RP1: variants seen among roughly 807,000 people sequenced by gnomAD.
RP1 encodes oxygen-regulated protein 1.
In RP1, 16 loss-of-function variants were observed where a neutral mutation model predicts 14.8. The ratio of observed to expected loss-of-function variants is 1.08; its 90% CI spans 0.73 to 1.65. The LOEUF is 1.65. RP1 is among the 40% of genes most tolerant of loss of function. RP1 has a pLI of 0.00. For missense variants in RP1, 2,631 were observed against 2,535.0 expected, an observed-to-expected ratio of 1.04 and a Z score of -0.81; for synonymous variants, 876 against 883.6, an observed-to-expected ratio of 0.99 and a Z score of 0.15.
At chr8:54,826,876 A>G (rs6994470) in intron 24 of RP1, among the ~76,000 whole-genome samples, 47,936 of 152,098 alleles carry the variant, frequency 0.32, 7,729 homozygotes, top group South Asian at 0.37. Context: ...ACTTGCACAA[A>G]CCTAGATGGT....
intron 20 of RP1, chr8:54,754,958 C>A (rs1809464248): frequency 6.8e-7 from 1 of 1,479,492 alleles, no homozygotes; most frequent in Non-Finnish European, 8.9e-7. Flanking sequence ...TCTTCAGTAG[C>A]ATCTATTCCA....
At chr8:54,676,314 T>A (rs1807293896) in intron 8 of RP1, among the ~76,000 whole-genome samples, 1 of 152,206 alleles carries the variant, frequency 6.6e-6, no homozygotes, top group Non-Finnish European at 1.5e-5. Context: ...ATTTGATACC[T>A]ATTCACCAAC....
chr8:54,857,159 G>T (rs997769705), intron 27 of RP1: 1 of 715,574 alleles, frequency 1.4e-6, no homozygotes, highest in South Asian at 7.1e-5. Context: ...ATGAAAAATC[G>T]TATAAGAAGC....
chr8:54,681,689 CT>C (rs1478609774), intron 12 of RP1, among the ~76,000 whole-genome samples: 1 of 152,016 alleles, frequency 6.6e-6, no homozygotes, highest in Non-Finnish European at 1.5e-5. Context: ...TCTCCCTCCC[CT>C]GGACCCCCAA....
downstream of RP1, among the ~76,000 whole-genome samples, chr8:54,635,366 C>T (rs756436319): frequency 2.6e-4 from 39 of 152,126 alleles, no homozygotes; most frequent in African/African-American, 4.8e-4. Context: ...CTACTACTTA[C>T]GTAAGACTGC....
At chr8:54,844,480 G>A (rs1225981614) in intron 25 of RP1, among the ~76,000 whole-genome samples, 1 of 152,000 alleles carries the variant, frequency 6.6e-6, no homozygotes, top group Admixed American at 6.5e-5. Context: ...AGTCCTCTGT[G>A]TGTGCGTGTG....
rs1220271278 is a variant in RP1, at chr8:54,749,195, G to A, written c.2809-5608G>A. On this transcript the variant is annotated intron_variant, in intron 19 of 22. Transcript: ENST00000636932. ...AAATACAAAAAATTAGCCAGGCGTG[G>A]TGATGGGCACCTGTAGTCCCAGCTA... 2.0e-5 allele frequency among the ~76,000 whole-genome samples: 3 copies of A among 152,174 alleles called. No homozygotes were observed. The East Asian group carries it at 5.8e-4, about 29-fold the overall frequency.
chr8:54,593,761 C>A (rs899588681), intron 1 of RP1, among the ~76,000 whole-genome samples: 1 of 152,220 alleles, frequency 6.6e-6, no homozygotes, highest in Non-Finnish European at 1.5e-5. Flanking sequence ...TGCAGCCTCA[C>A]CAGTGGAACT....
chr8:54,675,144 AC>A (rs1278568102), intron 8 of RP1, among the ~76,000 whole-genome samples: 1 of 152,190 alleles, frequency 6.6e-6, no homozygotes, highest in African/African-American at 2.4e-5. Context: ...GAAATAAATG[AC>A]CCAGTAATAT....
chr8:54,656,798 G>A (rs1363194385), intron 6 of RP1, among the ~76,000 whole-genome samples: 1 of 134,610 alleles, frequency 7.4e-6, no homozygotes, highest in Non-Finnish European at 1.6e-5. Flanking sequence ...CTGCCTTGGG[G>A]GAGAACGGGA....
At chr8:54,825,171 G>T (rs897642592) in intron 24 of RP1, among the ~76,000 whole-genome samples, 2 of 152,072 alleles carry the variant, frequency 1.3e-5, no homozygotes, top group African/African-American at 2.4e-5. Flanking sequence ...GTGTTAGCCA[G>T]GGTGGTCTTG....
intron 24 of RP1, among the ~76,000 whole-genome samples, chr8:54,804,928 C>G (rs1178907116): frequency 1.3e-5 from 2 of 152,140 alleles, no homozygotes; most frequent in Non-Finnish European, 2.9e-5. Context: ...AGACTATTTC[C>G]TCTTTTCAAA....
chr8:54,600,989 A>G (rs1046866545), intron 1 of RP1, among the ~76,000 whole-genome samples: 2 of 152,142 alleles, frequency 1.3e-5, no homozygotes, highest in African/African-American at 4.8e-5. Flanking sequence ...TGCTTTATAT[A>G]TAATGTCCGG....
chr8:54,723,516 C>G (rs1808581888), intron 16 of RP1, among the ~76,000 whole-genome samples: 1 of 152,098 alleles, frequency 6.6e-6, no homozygotes, highest in African/African-American at 2.4e-5. Context: ...GCAGTAAAAC[C>G]TCTTCACTCT....
At chr8:54,788,045 C>T (rs1382371143) in intron 24 of RP1, among the ~76,000 whole-genome samples, 5 of 152,146 alleles carry the variant, frequency 3.3e-5, no homozygotes, top group African/African-American at 1.2e-4. Flanking sequence ...TCATTATGCT[C>T]TTTAGGCTGA....
chr8:54,663,334 A>G (rs1294555217), intron 6 of RP1, among the ~76,000 whole-genome samples: 2 of 152,180 alleles, frequency 1.3e-5, no homozygotes, highest in African/African-American at 2.4e-5. Context: ...ACTTCCTTTA[A>G]GTGAAAAGGT....
intron 24 of RP1, among the ~76,000 whole-genome samples, chr8:54,788,027 C>A (rs1810368500): frequency 6.6e-6 from 1 of 152,164 alleles, no homozygotes; most frequent in African/African-American, 2.4e-5. Flanking sequence ...AAGTATAAAA[C>A]ACTCTTATCA....
chr8:54,750,326 T>C (rs1291239968), intron 19 of RP1, among the ~76,000 whole-genome samples: 2 of 152,294 alleles, frequency 1.3e-5, no homozygotes, highest in Admixed American at 6.5e-5. Context: ...ATAATCCTAA[T>C]TGAGAACATT....
intron 21 of RP1, among the ~76,000 whole-genome samples, chr8:54,756,284 G>T (rs1048615761): frequency 6.6e-6 from 1 of 152,120 alleles, no homozygotes; most frequent in African/African-American, 2.4e-5. Flanking sequence ...TCTTTGAGAA[G>T]TTGCAGTAGG....
Sources: allele counts gnomAD v4.1 joint callset (sites outside exome capture counted in the v4.1 genomes callset), GRCh38; gene constraint gnomAD v4.1.1; transcripts MANE v1.5; gene names NCBI Gene and HGNC (gene_info 2026-07-23, HGNC 2026-07-21).